CCDC62: variants seen among roughly 807,000 people sequenced by gnomAD.
The protein encoded by CCDC62 is coiled-coil domain-containing protein 62.
CCDC62 carries 72 observed loss-of-function variants against 80.8 expected under a neutral mutation model. The observed-to-expected ratio is 0.89, with a 90% confidence interval of 0.74 to 1.08. The LOEUF is 1.08. Ranked by LOEUF, CCDC62 falls within the 50% of genes least tolerant of loss-of-function variation. The pLI, the probability that CCDC62 is intolerant of heterozygous loss-of-function variation, is 0.00. For synonymous variants in CCDC62, 286 were observed against 296.5 expected, an observed-to-expected ratio of 0.96 and a Z score of 0.36; for missense variants, 704 against 809.4, an observed-to-expected ratio of 0.87 and a Z score of 1.58.
chr12:122,795,620 T>C (rs532464363), intron 6 of CCDC62, among the ~76,000 whole-genome samples: 9 of 152,188 alleles, frequency 5.9e-5, no homozygotes, highest in African/African-American at 2.2e-4. Context: ...GAGATGGGGT[T>C]TCACCGTGTT....
intron 3 of CCDC62, among the ~76,000 whole-genome samples, chr12:122,784,144 CAGTATAT>C (rs1380923188): frequency 1.3e-5 from 2 of 152,196 alleles, no homozygotes; most frequent in Non-Finnish European, 2.9e-5. Context: ...TGGAATCCTA[CAGTATAT>C]AGCCTTTTCA....
intron 11 of CCDC62, among the ~76,000 whole-genome samples, chr12:122,817,557 C>T (rs1416886728): frequency 6.6e-6 from 1 of 151,980 alleles, no homozygotes; most frequent in East Asian, 1.9e-4. Context: ...CTCCTGACCT[C>T]AAGTGATCCT....
intron 8 of CCDC62, among the ~76,000 whole-genome samples, chr12:122,800,381 G>C (rs976418155): frequency 5.3e-5 from 8 of 150,972 alleles, no homozygotes; most frequent in Non-Finnish European, 8.8e-5. Flanking sequence ...AGGAGTTCAA[G>C]AGCAGCCTAG....
intron 9 of CCDC62, among the ~76,000 whole-genome samples, chr12:122,805,363 G>A (rs1249439849): frequency 1.2e-4 from 5 of 40,300 alleles, no homozygotes; most frequent in Admixed American, 1.2e-3. Flanking sequence ...TTTTTTTTTT[G>A]AGACAGAGTG....
intron 9 of CCDC62, 80 bp downstream of exon 9, chr12:122,801,932 G>A (rs1467571199): frequency 2.1e-6 from 3 of 1,410,194 alleles, no homozygotes; most frequent in Admixed American, 2.0e-5. Flanking sequence ...TGGAAGCCAC[G>A]CCATACCTAC....
chr12:122,818,879 C>T (rs1435134789), intron 11 of CCDC62, among the ~76,000 whole-genome samples: 2 of 151,494 alleles, frequency 1.3e-5, no homozygotes, highest in Non-Finnish European at 2.9e-5. Flanking sequence ...ACCACGATCA[C>T]ACCATTGCAC....
intron 9 of CCDC62, among the ~76,000 whole-genome samples, chr12:122,805,769 C>CA (rs1230378822): frequency 6.6e-6 from 1 of 151,978 alleles, no homozygotes; most frequent in Non-Finnish European, 1.5e-5. Flanking sequence ...CTCTGCCTCC[C>CA]AAAGTGCTGG....
rs17855031 is a variant in CCDC62, at chr12:122,801,327, C to T, written c.1181C>T (p.Thr394Met). Residue 394 changes from threonine (T) to methionine (M), a missense_variant, in exon 9 of 13, where the codon ACG (threonine) becomes ATG (methionine). Thr to Met is a moderately conservative substitution (Grantham distance 81). Transcript: ENST00000253079. The part of the protein sequence containing the change: ...DTVFGEKSVI[T>M]LSSIFTKDLV... Reference sequence around the variant, plus strand: ...GTGTTTGGGGAGAAAAGTGTAATTACGCTGTCATCCATATTCACCAAAGAC... The same window carrying T: ...GTGTTTGGGGAGAAAAGTGTAATTATGCTGTCATCCATATTCACCAAAGAC... 9.9e-6 allele frequency: 16 copies of T among 1,613,842 alleles called. No homozygotes were observed. Among genetic ancestry groups the T allele is most frequent in the East Asian group, 8.9e-5 (4 of 44,890 alleles).
chr12:122,803,996 A>C (rs2135564484), intron 9 of CCDC62, among the ~76,000 whole-genome samples: 1 of 152,366 alleles, frequency 6.6e-6, no homozygotes, highest in Admixed American at 6.5e-5. Context: ...ACGGATGCCA[A>C]GATATCACAT....
At chr12:122,787,030 G>A (rs2030289970) in intron 4 of CCDC62, among the ~76,000 whole-genome samples, 1 of 152,220 alleles carries the variant, frequency 6.6e-6, no homozygotes, top group African/African-American at 2.4e-5. Context: ...GTAGCAGACA[G>A]TTTAGTGGCT....
intron 11 of CCDC62, among the ~76,000 whole-genome samples, chr12:122,815,151 C>T (rs557871198): frequency 6.6e-6 from 1 of 152,100 alleles, no homozygotes; most frequent in Non-Finnish European, 1.5e-5. Flanking sequence ...AATGCAGGGC[C>T]AACTTGAACC....
At chr12:122,814,300 AAGAGAGAG>A (rs1445340064) in intron 11 of CCDC62, among the ~76,000 whole-genome samples, 5 of 21,856 alleles carry the variant, frequency 2.3e-4, no homozygotes, top group African/African-American at 6.9e-4. Context: ...AAAAAAAAAA[AAGAGAGAG>A]AGAAAGAAAG....
rs2135548237 is a variant in CCDC62 at position 122,793,693 on chromosome 12, G to A, written c.772+1572G>A. On this transcript the variant is annotated intron_variant, in intron 6 of 12. Coordinates refer to ENST00000253079, the MANE Select transcript of CCDC62 (RefSeq NM_201435.5). ...TGGTCTCTAGCTCCTGGGATCAAGC[G>A]ATCCCCTTGCCTCGGCCTCTCAAAA... Among the ~76,000 whole-genome samples the A allele has an allele frequency of 2.6e-5, 4 of 152,116 alleles. No homozygotes were observed. In the Middle Eastern group the frequency reaches 0.01, roughly 388 times the overall value.
In CCDC62 at chr12:122,800,188, T is replaced by G. The variant is rs967351861; in HGVS notation, c.978-936T>G. Among the ~76,000 whole-genome samples the G allele has an allele frequency of 4.0e-3, 545 of 137,292 alleles. 1 individual carries two copies. The highest frequency in any genetic ancestry group is 6.3e-3 in the Non-Finnish European group (402 of 63,570). The allele number at this position is 137,292 out of a possible 152,430, so 90.1% of individuals were successfully genotyped here. A position where few individuals can be genotyped will look rare whatever the true frequency, so the allele number is the denominator to read the frequency against. On this transcript the variant is annotated intron_variant, in intron 8 of 12. Transcript: ENST00000253079. ...ACTTTTTTTTTTTTTTTTTTTTTTT[T>G]GTACATATGGGGTTTCGTCGTGTTG...
At chr12:122,785,891 T>G (rs2030189380) in intron 4 of CCDC62, 71 bp downstream of exon 4, 5 of 1,027,990 alleles carry the variant, frequency 4.9e-6, no homozygotes, top group Non-Finnish European at 6.1e-6. Context: ...TTATCTTACC[T>G]AAGTCGCTAG....
At chr12:122,811,885 A>G (rs2031908317) in intron 10 of CCDC62, among the ~76,000 whole-genome samples, 1 of 149,696 alleles carries the variant, frequency 6.7e-6, no homozygotes. Context: ...AGCAATTGGC[A>G]GTGACTAATT....
chr12:122,795,616 G>A (rs3964038), intron 6 of CCDC62, among the ~76,000 whole-genome samples: 14 of 152,122 alleles, frequency 9.2e-5, no homozygotes, highest in African/African-American at 3.4e-4. Context: ...AGTAGAGATG[G>A]GGTTTCACCG....
intron 6 of CCDC62, among the ~76,000 whole-genome samples, chr12:122,793,679 T>C (rs1192327228): frequency 6.6e-6 from 1 of 152,060 alleles, no homozygotes; most frequent in Non-Finnish European, 1.5e-5. Flanking sequence ...GGTCTCTAGC[T>C]CCTGGGATCA....
At position 122,780,614 on chromosome 12, in the gene CCDC62, A is replaced by AAAAATAAAAT. The variant is rs57578843; in HGVS notation, c.230-500_230-491dup. Among the ~76,000 whole-genome samples the AAAAATAAAAT allele has an allele frequency of 9.1e-3, 1,245 of 136,506 alleles. 13 individuals are homozygous for AAAAATAAAAT. Among genetic ancestry groups the AAAAATAAAAT allele is most frequent in the South Asian group, 0.037 (150 of 4,006 alleles). The allele number at this position is 136,506 out of a possible 152,430, so 89.6% of individuals were successfully genotyped here. A position where few individuals can be genotyped will look rare whatever the true frequency, so the allele number is the denominator to read the frequency against. On this transcript the variant is annotated intron_variant, in intron 2 of 12. Coordinates refer to ENST00000253079, the MANE Select transcript of CCDC62 (RefSeq NM_201435.5). ...GGACAACAGAGCAAGACTCTGTCTCAAAAATAAAATAAAATAAAATAAAAT... is the reference window on the plus strand; with the variant it reads ...GGACAACAGAGCAAGACTCTGTCTCAAAAATAAAATAAAATAAAATAAAATAAAATAAAAT...
Sources: gnomAD v4.1 joint callset for allele counts (sites outside exome capture counted in the v4.1 genomes callset) on GRCh38, gnomAD v4.1.1 for gene constraint, MANE v1.5 for transcripts, NCBI Gene and HGNC (gene_info 2026-07-23, HGNC 2026-07-21) for gene names.